The following SLC16A12 variants were observed in gnomAD, a reference collection of about 807,000 sequenced individuals.
The protein encoded by SLC16A12 is monocarboxylate transporter 12.
A neutral mutation model predicts 42.4 loss-of-function variants in SLC16A12; 17 were observed. The ratio of observed to expected loss-of-function variants is 0.40; its 90% CI spans 0.27 to 0.60. The LOEUF is 0.60. Ranked by LOEUF, SLC16A12 falls within the 20% of genes least tolerant of loss-of-function variation. The pLI is 0.42. For missense variants in SLC16A12, 544 were observed against 623.0 expected, an observed-to-expected ratio of 0.87 and a Z score of 1.35; for synonymous variants, 224 against 229.4, an observed-to-expected ratio of 0.98 and a Z score of 0.21.
chr10:89,475,933 A>C (rs1589690809), intron 2 of SLC16A12, among the ~76,000 whole-genome samples: 1 of 152,224 alleles, frequency 6.6e-6, no homozygotes, highest in South Asian at 2.1e-4. Context: ...CACCGATTCT[A>C]GGCAACATCA....
intron 2 of SLC16A12, among the ~76,000 whole-genome samples, chr10:89,497,128 TC>T (rs1250152579): frequency 6.6e-6 from 1 of 152,166 alleles, no homozygotes; most frequent in East Asian, 1.9e-4. Flanking sequence ...CAACACCAAG[TC>T]AAGATGTTAA....
chr10:89,490,454 C>A (rs536751454), intron 2 of SLC16A12, among the ~76,000 whole-genome samples: 1 of 152,134 alleles, frequency 6.6e-6, no homozygotes, highest in Non-Finnish European at 1.5e-5. Flanking sequence ...TTCTGATGGA[C>A]CAGCTATAAA....
At chr10:89,441,297 C>T in intron 4 of SLC16A12, 46 bp from the exon 5 acceptor site, 1 of 1,611,690 alleles carries the variant, frequency 6.2e-7, no homozygotes, top group Non-Finnish European at 8.5e-7. Context: ...GCCTTGAGGG[C>T]ACTGTGAAAG....
chr10:89,445,529 A>G (rs185260899), intron 3 of SLC16A12, among the ~76,000 whole-genome samples: 140 of 152,384 alleles, frequency 9.2e-4, no homozygotes, highest in African/African-American at 3.1e-3. Flanking sequence ...GTTAGAAGGA[A>G]AACTAACAAA....
rs141883493 is a variant in SLC16A12 at position 89,496,380 on chromosome 10, CAGA to C, written c.-46-33759_-46-33757del. On this transcript the variant is annotated intron_variant, in intron 2 of 7. Transcript: ENST00000371790. Reference sequence around the variant, plus strand: ...GAAATTGAAAATTTAATGGAAGGATCAGAAGAAGAACTATCCCATAAAGTAAAC... The same window carrying C: ...GAAATTGAAAATTTAATGGAAGGATCAGAAGAACTATCCCATAAAGTAAAC... Among the ~76,000 whole-genome samples the C allele has an allele frequency of 6.4e-3, 966 of 152,060 alleles. 46 individuals are homozygous for C. In the East Asian group the frequency reaches 0.14, roughly 22 times the overall value.
chr10:89,434,418 G>C (rs1030158076), intron 7 of SLC16A12, among the ~76,000 whole-genome samples: 3 of 152,154 alleles, frequency 2.0e-5, no homozygotes, highest in Non-Finnish European at 2.9e-5. Context: ...CTAAAGGTTG[G>C]TGAGCACTAA....
chr10:89,476,437 G>A (rs1281849162), intron 2 of SLC16A12, among the ~76,000 whole-genome samples: 1 of 152,140 alleles, frequency 6.6e-6, no homozygotes, highest in Non-Finnish European at 1.5e-5. Flanking sequence ...GTGTTTGTAG[G>A]AGTGCAGGCA....
intron 1 of SLC16A12, among the ~76,000 whole-genome samples, chr10:89,535,178 T>C (rs1843633114): frequency 6.7e-6 from 1 of 148,212 alleles, no homozygotes; most frequent in Non-Finnish European, 1.5e-5. Flanking sequence ...CCACAAGAGA[T>C]GGAGATCAAA....
intron 2 of SLC16A12, among the ~76,000 whole-genome samples, chr10:89,467,500 T>C (rs1263913131): frequency 6.6e-6 from 1 of 152,168 alleles, no homozygotes; most frequent in Non-Finnish European, 1.5e-5. Flanking sequence ...TTATGACATG[T>C]TCAACAAATA....
chr10:89,539,868 T>TCTTC (rs1843701532), upstream of SLC16A12, among the ~76,000 whole-genome samples: 1 of 140,738 alleles, frequency 7.1e-6, no homozygotes, highest in Non-Finnish European at 1.5e-5. Context: ...TTTCTTTCTT[T>TCTTC]CTTTCTTTCT....
At chr10:89,446,240 T>G (rs1841999504) in intron 3 of SLC16A12, among the ~76,000 whole-genome samples, 2 of 151,966 alleles carry the variant, frequency 1.3e-5, no homozygotes, top group African/African-American at 4.8e-5. Context: ...ACATTCAAAT[T>G]CAGGAAATAC....
intron 2 of SLC16A12, among the ~76,000 whole-genome samples, chr10:89,553,881 A>G (rs1048839175): frequency 3.3e-5 from 5 of 151,768 alleles, no homozygotes; most frequent in Non-Finnish European, 5.9e-5. Flanking sequence ...CTGTAATCGC[A>G]GCTACTTGGG....
intron 7 of SLC16A12, among the ~76,000 whole-genome samples, 198 bp from the exon 8 acceptor site, chr10:89,433,524 T>A (rs919521394): frequency 3.9e-5 from 6 of 152,058 alleles, no homozygotes; most frequent in South Asian, 2.1e-4. Flanking sequence ...ACTTCTAGAG[T>A]GAATTGATTG....
At chr10:89,459,614 T>A (rs556675797) in intron 3 of SLC16A12, among the ~76,000 whole-genome samples, 26 of 151,746 alleles carry the variant, frequency 1.7e-4, no homozygotes, top group African/African-American at 5.6e-4. Context: ...ACAAACAAAC[T>A]AGAATTCTAG....
chr10:89,436,914 A>AAAG (rs1841808758), intron 6 of SLC16A12, among the ~76,000 whole-genome samples: 3 of 136,462 alleles, frequency 2.2e-5, no homozygotes, highest in Admixed American at 7.2e-5. Context: ...GAAAGAAAGA[A>AAAG]AAAGAAAGAG....
At chr10:89,434,894 C>G (rs1044951804) in intron 7 of SLC16A12, among the ~76,000 whole-genome samples, 6 of 152,204 alleles carry the variant, frequency 3.9e-5, no homozygotes, top group Non-Finnish European at 8.8e-5. Context: ...GTCAAGGAAT[C>G]TGCATTTTTA....
At chr10:89,463,922 C>T (rs1842347297) in intron 2 of SLC16A12, among the ~76,000 whole-genome samples, 1 of 152,190 alleles carries the variant, frequency 6.6e-6, no homozygotes, top group Admixed American at 6.5e-5. Context: ...TTTATGTAAT[C>T]CCTTCCCTTG....
chr10:89,469,694 G>C (rs765278236), intron 2 of SLC16A12, among the ~76,000 whole-genome samples: 7 of 152,090 alleles, frequency 4.6e-5, no homozygotes, highest in African/African-American at 1.7e-4. Context: ...AAATACCAAG[G>C]GTGGGCATTT....
At chr10:89,461,378 C>T (rs532853102) in intron 3 of SLC16A12, among the ~76,000 whole-genome samples, 2 of 152,274 alleles carry the variant, frequency 1.3e-5, no homozygotes, top group East Asian at 3.9e-4. Flanking sequence ...CTTCCAGGGG[C>T]TTAATGAGCC....
Sources: allele counts gnomAD v4.1 joint callset (sites outside exome capture counted in the v4.1 genomes callset), GRCh38; gene constraint gnomAD v4.1.1; transcripts MANE v1.5; gene names NCBI Gene and HGNC (gene_info 2026-07-23, HGNC 2026-07-21).